PCDH15: variants seen among roughly 807,000 people sequenced by gnomAD.
PCDH15 encodes the protein protocadherin-15.
PCDH15 carries 129 observed loss-of-function variants against 178.5 expected under a neutral mutation model. That is an observed-to-expected ratio of 0.72 (90% CI 0.63 to 0.84). PCDH15 has a LOEUF of 0.84. PCDH15 is among the 40% of genes least tolerant of loss of function. PCDH15 has a pLI of 0.00. For missense variants in PCDH15, 2,230 were observed against 2,099.9 expected (o/e 1.06, Z -1.21); for synonymous variants, 800 against 732.0 (o/e 1.09, Z -1.50).
rs149984209 is a variant in PCDH15 at position 55,028,937 on chromosome 10, A to T, written c.-79-131437T>A. ...AGTGCTTTTTCTGTTTCACGTAATC[A>T]TAGTGAAAACATTTACTTAACCATT... On this transcript the variant is annotated intron_variant, in intron 2 of 5. Coordinates refer to the PCDH15 transcript ENST00000458638. 4.7e-3 allele frequency among the ~76,000 whole-genome samples: 716 copies of T among 151,808 alleles called. 4 individuals are homozygous for T. Among genetic ancestry groups the T allele is most frequent in the African/African-American group, 0.016 (654 of 41,472 alleles).
intron 7 of PCDH15, among the ~76,000 whole-genome samples, chr10:54,325,872 G>A (rs1283712601): frequency 6.6e-6 from 1 of 152,040 alleles, no homozygotes. Flanking sequence ...TCGCACCACT[G>A]TACTTCAGCC....
intron 2 of PCDH15, among the ~76,000 whole-genome samples, chr10:55,150,038 AG>A (rs1169427420): frequency 1.1e-4 from 17 of 149,580 alleles, no homozygotes; most frequent in Non-Finnish European, 1.9e-4. Flanking sequence ...GAGATAAAGA[AG>A]AGAAGAGAGA....
intron 8 of PCDH15, among the ~76,000 whole-genome samples, chr10:54,311,836 A>C (rs371367732): frequency 6.6e-6 from 1 of 152,110 alleles, no homozygotes; most frequent in East Asian, 1.9e-4. Context: ...AGTGACTTTA[A>C]ATTTTGATAT....
intron 8 of PCDH15, among the ~76,000 whole-genome samples, chr10:54,251,727 TA>T (rs953514784): frequency 3.3e-5 from 5 of 152,180 alleles, no homozygotes; most frequent in Non-Finnish European, 5.9e-5. Context: ...TATCAAGTTC[TA>T]AAAAAATATT....
intron 1 of PCDH15, among the ~76,000 whole-genome samples, chr10:55,300,050 T>G (rs964772651): frequency 9.2e-5 from 14 of 152,222 alleles, no homozygotes; most frequent in African/African-American, 3.4e-4. Flanking sequence ...TTAGCAAATT[T>G]GATTAGACAA....
At chr10:54,863,063 T>C (rs1953873449) in intron 3 of PCDH15, among the ~76,000 whole-genome samples, 2 of 152,220 alleles carry the variant, frequency 1.3e-5, no homozygotes, top group Non-Finnish European at 2.9e-5. Context: ...TTATCATCAA[T>C]GTTCCTCAAA....
At chr10:54,878,474 T>G (rs1022132699) in intron 3 of PCDH15, among the ~76,000 whole-genome samples, 8 of 152,126 alleles carry the variant, frequency 5.3e-5, no homozygotes, top group Non-Finnish European at 7.4e-5. Flanking sequence ...CCATTTCTAT[T>G]TACCCTAGAA....
intron 5 of PCDH15, among the ~76,000 whole-genome samples, chr10:54,352,146 G>A (rs907100380): frequency 3.9e-5 from 6 of 151,988 alleles, no homozygotes; most frequent in African/African-American, 1.4e-4. Context: ...GAAACAAAAA[G>A]TTTAGTAAAA....
intron 2 of PCDH15, among the ~76,000 whole-genome samples, chr10:55,588,626 G>C (rs1208783769): frequency 6.6e-6 from 1 of 150,816 alleles, no homozygotes; most frequent in Non-Finnish European, 1.5e-5. Flanking sequence ...TCAAAGAAGA[G>C]AAAAAAGAAT....
chr10:55,585,775 G>A (rs1055320815), intron 2 of PCDH15, among the ~76,000 whole-genome samples: 1 of 152,020 alleles, frequency 6.6e-6, no homozygotes, highest in Admixed American at 6.6e-5. Flanking sequence ...ATATATGTGT[G>A]TGTGTATATA....
At chr10:54,371,647 T>C (rs971379621) in intron 4 of PCDH15, among the ~76,000 whole-genome samples, 4 of 151,850 alleles carry the variant, frequency 2.6e-5, no homozygotes, top group African/African-American at 9.7e-5. Context: ...ATTATGTGCC[T>C]CTATCAAAGT....
At chr10:55,489,244 T>C (rs962453021) in intron 2 of PCDH15, among the ~76,000 whole-genome samples, 3 of 151,638 alleles carry the variant, frequency 2.0e-5, no homozygotes, top group African/African-American at 7.2e-5. Context: ...TCTCTAAAAA[T>C]TGTCATTTAA....
intron 2 of PCDH15, among the ~76,000 whole-genome samples, chr10:55,151,672 G>A (rs1468233542): frequency 2.0e-5 from 3 of 151,942 alleles, no homozygotes; most frequent in Non-Finnish European, 4.4e-5. Context: ...ATGACCATGT[G>A]GTAAGATCAA....
intron 2 of PCDH15, among the ~76,000 whole-genome samples, chr10:54,663,681 T>A (rs1377763682): frequency 7.7e-6 from 1 of 130,366 alleles, no homozygotes; most frequent in Non-Finnish European, 1.7e-5. Context: ...TTTTCATTTT[T>A]CTATTCTTCC....
At chr10:54,562,696 C>T (rs1053271602) in intron 2 of PCDH15, among the ~76,000 whole-genome samples, 23 of 152,090 alleles carry the variant, frequency 1.5e-4, no homozygotes, top group African/African-American at 2.4e-4. Context: ...TGAAATCTCA[C>T]TCTCAGTCTC....
intron 1 of PCDH15, among the ~76,000 whole-genome samples, chr10:54,744,095 A>G (rs1408872256): frequency 6.6e-6 from 1 of 152,078 alleles, no homozygotes; most frequent in East Asian, 1.9e-4. Context: ...AGCTGCTTCT[A>G]TGTTGTGAGA....
chr10:54,402,482 T>G (rs1952055890), intron 3 of PCDH15, among the ~76,000 whole-genome samples: 1 of 152,008 alleles, frequency 6.6e-6, no homozygotes, highest in Non-Finnish European at 1.5e-5. Context: ...GCTTTCTTTA[T>G]TAGTTTATTG....
intron 2 of PCDH15, among the ~76,000 whole-genome samples, chr10:55,527,919 G>A (rs1841339476): frequency 6.6e-6 from 1 of 152,028 alleles, no homozygotes. Flanking sequence ...ATACACTTCT[G>A]AGTGCTTAAC....
chr10:54,022,883 C>A lies in PCDH15; in HGVS notation c.2526+9G>T. ...AGGATTCATGTAATAAATGCTTTTTCCCACACACCTCTATTTGAAGGATGG... is the reference window on the plus strand; with the variant it reads ...AGGATTCATGTAATAAATGCTTTTTACCACACACCTCTATTTGAAGGATGG... On this transcript the variant is annotated intron_variant, in intron 19 of 37. Coordinates refer to ENST00000644397, the MANE Select transcript of PCDH15 (RefSeq NM_001384140.1). The A allele has an allele frequency of 6.2e-7, 1 of 1,613,488 alleles. No homozygotes were observed. The highest frequency in any genetic ancestry group is 8.5e-7 in the Non-Finnish European group (1 of 1,179,550).
Sources: gnomAD v4.1 joint callset for allele counts (sites outside exome capture counted in the v4.1 genomes callset) on GRCh38, gnomAD v4.1.1 for gene constraint, MANE v1.5 for transcripts, NCBI Gene and HGNC (gene_info 2026-07-23, HGNC 2026-07-21) for gene names.